Variants in PTPRT observed in about 807,000 individuals in gnomAD.
PTPRT encodes protein tyrosine phosphatase receptor type T.
Under a neutral mutation model 176.8 loss-of-function variants are expected in PTPRT, and 56 were observed. The observed-to-expected ratio is 0.32, with a 90% confidence interval of 0.26 to 0.40. PTPRT has a LOEUF of 0.40. Ranked by LOEUF, PTPRT falls within the 10% of genes least tolerant of loss-of-function variation. The pLI is 1.00. For missense variants in PTPRT, 1,540 were observed against 1,908.2 expected, an observed-to-expected ratio of 0.81 and a Z score of 3.60; for synonymous variants, 783 against 739.0, an observed-to-expected ratio of 1.06 and a Z score of -0.96.
intron 6 of PTPRT, among the ~76,000 whole-genome samples, chr20:42,689,584 G>T (rs2075758933): frequency 6.6e-6 from 1 of 152,112 alleles, no homozygotes; most frequent in South Asian, 2.1e-4. Flanking sequence ...ACAGAATAGT[G>T]GTCCCAAAAG....
chr20:42,347,378 T>TG (rs1448756735), intron 11 of PTPRT, among the ~76,000 whole-genome samples: 1 of 152,216 alleles, frequency 6.6e-6, no homozygotes, highest in East Asian at 1.9e-4. Context: ...AACTGCACAC[T>TG]GCTCTGCTTT....
rs11415242 is a variant in PTPRT, at chr20:42,119,013, G to GAAAAAAA, written c.2885-520_2885-514dup. Among the ~76,000 whole-genome samples, 37 of 29,206 alleles carry GAAAAAAA rather than the reference G, an allele frequency of 1.3e-3. 2 individuals carry two copies. Among genetic ancestry groups the GAAAAAAA allele is most frequent in the Middle Eastern group, 0.029 (1 of 34 alleles). 19.2% of individuals were successfully genotyped at this position (29,206 alleles called of 152,430 possible). A position where few individuals can be genotyped will look rare whatever the true frequency, so the allele number is the denominator to read the frequency against. On this transcript the variant is annotated intron_variant, in intron 20 of 30. Coordinates refer to ENST00000373187, the MANE Select transcript of PTPRT (RefSeq NM_007050.6). Reference sequence around the variant, plus strand: ...CTCTAGGGCCTCAACAGAAAGGAAGGAAAAAAAAAAAAAAAAAAAAAAAAA... The same window carrying GAAAAAAA: ...CTCTAGGGCCTCAACAGAAAGGAAGGAAAAAAAAAAAAAAAAAAAAAAAAAAAAAAAA...
In PTPRT at chr20:42,773,444, C is replaced by T. The variant is rs181097569; in HGVS notation, c.569-1894G>A. ...ACCCCCAAAAAATCCAGGAAGTGGG[C>T]AGTATCCCCATTTCCCCAATGTACT... On this transcript the variant is annotated intron_variant, in intron 4 of 30. Transcript: ENST00000373187. 2.0e-3 allele frequency among the ~76,000 whole-genome samples: 306 copies of T among 152,268 alleles called. 1 individual carries two copies. Among genetic ancestry groups the T allele is most frequent in the African/African-American group, 7.1e-3 (295 of 41,570 alleles).
At chr20:43,123,439 A>G (rs569939086) in intron 1 of PTPRT, among the ~76,000 whole-genome samples, 1 of 152,312 alleles carries the variant, frequency 6.6e-6, no homozygotes, top group South Asian at 2.1e-4. Flanking sequence ...TTTCTGAGCC[A>G]TAAGATACAA....
chr20:42,227,059 G>C (rs773044870), intron 15 of PTPRT, among the ~76,000 whole-genome samples: 3 of 152,062 alleles, frequency 2.0e-5, no homozygotes. Context: ...CTCCAGAAAA[G>C]CCAATGGGAG....
At chr20:42,227,317 G>A (rs1299807405) in intron 15 of PTPRT, among the ~76,000 whole-genome samples, 1 of 152,132 alleles carries the variant, frequency 6.6e-6, no homozygotes, top group East Asian at 1.9e-4. Context: ...CCCTGAAGCT[G>A]GGGTTGCTTT....
intron 2 of PTPRT, among the ~76,000 whole-genome samples, chr20:42,838,426 C>T (rs1042753557): frequency 2.6e-5 from 4 of 152,178 alleles, no homozygotes; most frequent in African/African-American, 9.7e-5. Context: ...ATCAGAGGCT[C>T]CAGACTGAGC....
chr20:42,962,123 C>T (rs1982018363), intron 1 of PTPRT, among the ~76,000 whole-genome samples: 2 of 152,308 alleles, frequency 1.3e-5, no homozygotes, highest in African/African-American at 4.8e-5. Flanking sequence ...TAACTTGTTA[C>T]AGCAGCAGTA....
intron 15 of PTPRT, among the ~76,000 whole-genome samples, chr20:42,221,007 T>C (rs1392783324): frequency 1.3e-5 from 2 of 152,166 alleles, no homozygotes; most frequent in Non-Finnish European, 2.9e-5. Flanking sequence ...GTTTTCTGTT[T>C]TTTGATTTTT....
chr20:42,450,985 G>A (rs555518417), intron 8 of PTPRT, among the ~76,000 whole-genome samples: 1 of 152,208 alleles, frequency 6.6e-6, no homozygotes, highest in African/African-American at 2.4e-5. Context: ...TGGCACATAA[G>A]TTAGAGTTGC....
At chr20:42,172,109 A>G (rs1170402302) in intron 16 of PTPRT, among the ~76,000 whole-genome samples, 2 of 152,216 alleles carry the variant, frequency 1.3e-5, no homozygotes, top group Non-Finnish European at 2.9e-5. Context: ...GAACCATTGC[A>G]ATAATGCACA....
chr20:43,073,057 T>C (rs2011201596), intron 1 of PTPRT, among the ~76,000 whole-genome samples: 1 of 151,900 alleles, frequency 6.6e-6, no homozygotes, highest in African/African-American at 2.4e-5. Context: ...CCAACTAAAG[T>C]CCCTTGCAAG....
At chr20:42,586,130 T>A (rs747206021) in intron 7 of PTPRT, among the ~76,000 whole-genome samples, 1 of 152,056 alleles carries the variant, frequency 6.6e-6, no homozygotes, top group Admixed American at 6.6e-5. Context: ...TCCCTACAAA[T>A]CCTGATTAAA....
chr20:42,981,734 T>G (rs1330703500), intron 1 of PTPRT, among the ~76,000 whole-genome samples: 2 of 152,208 alleles, frequency 1.3e-5, no homozygotes, highest in Non-Finnish European at 1.5e-5. Flanking sequence ...CACGCATGAT[T>G]GTACACAAAA....
chr20:42,612,183 C>T (rs2073986502), intron 7 of PTPRT, among the ~76,000 whole-genome samples: 1 of 152,140 alleles, frequency 6.6e-6, no homozygotes, highest in Non-Finnish European at 1.5e-5. Flanking sequence ...GTGACGCACA[C>T]AGTTCCCTAC....
the PTPRT span, chr20:42,063,924 C>T: frequency 1.3e-5 from 2 of 152,024 alleles, no homozygotes; most frequent in African/African-American, 4.8e-5. Flanking sequence ...ATGAACACTT[C>T]AGTTCTTAAA....
At chr20:42,934,669 G>A (rs1452636508) in intron 1 of PTPRT, among the ~76,000 whole-genome samples, 3 of 152,166 alleles carry the variant, frequency 2.0e-5, no homozygotes, top group African/African-American at 7.2e-5. Context: ...TCAGTCCCTT[G>A]CCTTGTGAGT....
chr20:42,167,615 G>A (rs1176524444), intron 16 of PTPRT, among the ~76,000 whole-genome samples: 4 of 152,166 alleles, frequency 2.6e-5, no homozygotes, highest in East Asian at 1.9e-4. Context: ...AGTAGCTAGC[G>A]ACTGCTCATT....
intron 20 of PTPRT, 91 bp downstream of exon 20, chr20:42,119,844 G>C (rs1204448291): frequency 8.7e-7 from 1 of 1,155,290 alleles, no homozygotes; most frequent in Non-Finnish European, 1.2e-6. Context: ...ACAGATATAG[G>C]AGGAGAGGAC....
Sources: allele counts gnomAD v4.1 joint callset (sites outside exome capture counted in the v4.1 genomes callset), GRCh38; gene constraint gnomAD v4.1.1; transcripts MANE v1.5; gene names NCBI Gene and HGNC (gene_info 2026-07-23, HGNC 2026-07-21).